SGCD: variants seen among roughly 807,000 people sequenced by gnomAD.
SGCD encodes the protein sarcoglycan delta.
A neutral mutation model predicts 36.6 loss-of-function variants in SGCD; 18 were observed. The ratio of observed to expected loss-of-function variants is 0.49; its 90% CI spans 0.34 to 0.73. The LOEUF is 0.73. Ranked by LOEUF, SGCD falls within the 30% of genes least tolerant of loss-of-function variation. SGCD has a pLI of 0.01. For missense variants in SGCD, 387 were observed against 346.7 expected (o/e 1.12, Z -0.92); for synonymous variants, 133 against 130.6 (o/e 1.02, Z -0.12).
intron 3 of SGCD, among the ~76,000 whole-genome samples, chr5:156,376,921 T>C (rs1770701270): frequency 6.6e-6 from 1 of 152,154 alleles, no homozygotes; most frequent in Admixed American, 6.6e-5. Flanking sequence ...TTCTGGGGTT[T>C]CACTTTGAGT....
At chr5:155,821,426 G>A in the SGCD span, among the ~76,000 whole-genome samples, 2 of 151,976 alleles carry the variant, frequency 1.3e-5, no homozygotes, top group Admixed American at 6.6e-5. Flanking sequence ...CCATTCTCTT[G>A]CCTCAGCCTC....
At chr5:155,736,095 A>C in the SGCD span, among the ~76,000 whole-genome samples, 1 of 152,190 alleles carries the variant, frequency 6.6e-6, no homozygotes, top group East Asian at 1.9e-4. Context: ...CTACATCCTC[A>C]GACACAGAAA....
chr5:156,085,859 T>C (rs940194409), intron 1 of SGCD, among the ~76,000 whole-genome samples: 1 of 152,176 alleles, frequency 6.6e-6, no homozygotes, highest in Non-Finnish European at 1.5e-5. Context: ...GTTGGAAAAT[T>C]CACTCTAAAT....
chr5:156,161,430 G>A (rs141204923), intron 3 of SGCD, among the ~76,000 whole-genome samples: 5 of 151,884 alleles, frequency 3.3e-5, no homozygotes, highest in East Asian at 3.9e-4. Context: ...AGTGCTTACC[G>A]CTTTCCAGTC....
intron 3 of SGCD, among the ~76,000 whole-genome samples, chr5:156,317,465 A>G (rs1306066750): frequency 6.6e-6 from 1 of 152,174 alleles, no homozygotes; most frequent in Non-Finnish European, 1.5e-5. Flanking sequence ...TACAAATCAC[A>G]AACATGATCG....
the SGCD span, among the ~76,000 whole-genome samples, chr5:155,792,049 C>G: frequency 6.6e-6 from 1 of 151,990 alleles, no homozygotes; most frequent in Non-Finnish European, 1.5e-5. Context: ...GATGCTGGTA[C>G]AAAACCAGAT....
chr5:156,370,090 G>T (rs1210591460), intron 3 of SGCD, among the ~76,000 whole-genome samples: 1 of 152,136 alleles, frequency 6.6e-6, no homozygotes, highest in Non-Finnish European at 1.5e-5. Context: ...CTCCATAAAG[G>T]TCAGTTGCTT....
intron 7 of SGCD, among the ~76,000 whole-genome samples, chr5:156,653,703 A>C (rs1238131465): frequency 6.6e-6 from 1 of 151,846 alleles, no homozygotes; most frequent in Non-Finnish European, 1.5e-5. Flanking sequence ...TTGTCATTTC[A>C]TGGTGCCACA....
intron 3 of SGCD, among the ~76,000 whole-genome samples, chr5:156,447,832 C>A (rs1030078358): frequency 6.6e-6 from 1 of 152,136 alleles, no homozygotes; most frequent in African/African-American, 2.4e-5. Flanking sequence ...GCAATCATTA[C>A]CTGTTACTGA....
At chr5:156,036,548 G>GATGAA (rs1389411590) in intron 1 of SGCD, among the ~76,000 whole-genome samples, 4 of 152,158 alleles carry the variant, frequency 2.6e-5, no homozygotes, top group African/African-American at 9.7e-5. Context: ...AGACAACTCA[G>GATGAA]AGACATACGT....
intron 3 of SGCD, among the ~76,000 whole-genome samples, chr5:156,373,886 C>G (rs1418268344): frequency 6.6e-6 from 1 of 152,084 alleles, no homozygotes; most frequent in African/African-American, 2.4e-5. Context: ...GCATGGAGGG[C>G]TTGATATGGA....
At chr5:156,056,665 A>AACAAAAAAAAAC (rs1760073648) in intron 1 of SGCD, among the ~76,000 whole-genome samples, 1 of 142,470 alleles carries the variant, frequency 7.0e-6, no homozygotes. Flanking sequence ...AAAAAAAAAA[A>AACAAAAAAAAAC]CAGTCTCCAA....
At chr5:156,304,444 T>C (rs79790220) in intron 3 of SGCD, among the ~76,000 whole-genome samples, 4 of 152,172 alleles carry the variant, frequency 2.6e-5, no homozygotes, top group Admixed American at 2.0e-4. Flanking sequence ...TTGCCATCCA[T>C]GTAAGATGTG....
At chr5:156,727,257 A>G (rs1185660785) in intron 7 of SGCD, among the ~76,000 whole-genome samples, 4 of 152,202 alleles carry the variant, frequency 2.6e-5, no homozygotes, top group Non-Finnish European at 2.9e-5. Flanking sequence ...TTGCAGAGAA[A>G]GACCAGGTGA....
rs1307539474 is a variant in SGCD, at chr5:156,760,777, A to AG, written c.*1392dup. Reference sequence around the variant, plus strand: ...GGGATTACACCATCTCTGTTCAAAGAGGGGGAAATGTGCCTATGCCTTAAG... The same window carrying AG: ...GGGATTACACCATCTCTGTTCAAAGAGGGGGGAAATGTGCCTATGCCTTAAG... On this transcript the variant is annotated 3_prime_UTR_variant, in exon 9 of 9. Transcript: ENST00000337851. 11 of 152,604 alleles carry AG rather than the reference A, an allele frequency of 7.2e-5. No homozygotes were observed. The highest frequency in any genetic ancestry group is 2.2e-4 in the African/African-American group (9 of 41,428). The allele number at this position is 152,604 out of a possible 1,614,324, so 9.5% of individuals were successfully genotyped here. A position where few individuals can be genotyped will look rare whatever the true frequency, so the allele number is the denominator to read the frequency against.
At chr5:156,233,871 TGAGACCACA>T (rs1765085804) in intron 3 of SGCD, among the ~76,000 whole-genome samples, 1 of 152,128 alleles carries the variant, frequency 6.6e-6, no homozygotes, top group Non-Finnish European at 1.5e-5. Context: ...GGGAACAGAG[TGAGACCACA>T]TCTGTTTTTT....
At chr5:156,577,806 G>T (rs967021602) in intron 4 of SGCD, among the ~76,000 whole-genome samples, 14 of 152,184 alleles carry the variant, frequency 9.2e-5, no homozygotes, top group Non-Finnish European at 2.1e-4. Flanking sequence ...TCAGCTTAAG[G>T]AGATTTTGGG....
the SGCD span, among the ~76,000 whole-genome samples, chr5:155,862,922 A>T: frequency 6.6e-6 from 1 of 152,350 alleles, no homozygotes; most frequent in Middle Eastern, 3.4e-3. Flanking sequence ...TGGAACCCTG[A>T]CAAAGACTGC....
Position 156,360,720 on chromosome 5 carries a change from T to G in SGCD, c.192+16043T>G, listed in dbSNP as rs1340153652. Among the ~76,000 whole-genome samples, 4 of 152,208 alleles carry G rather than the reference T, an allele frequency of 2.6e-5. No individual in the cohort carries two copies. In the East Asian group the frequency reaches 7.8e-4, roughly 30 times the overall value. Reference sequence around the variant, plus strand: ...GACTTTGGAGAAGAGATGGCCAGACTGTGAAAGACACAGCCTGACTTTGGG... The same window carrying G: ...GACTTTGGAGAAGAGATGGCCAGACGGTGAAAGACACAGCCTGACTTTGGG... On this transcript the variant is annotated intron_variant, in intron 3 of 8. Transcript: ENST00000337851.
Sources: gnomAD v4.1 joint callset for allele counts (sites outside exome capture counted in the v4.1 genomes callset) on GRCh38, gnomAD v4.1.1 for gene constraint, MANE v1.5 for transcripts, NCBI Gene and HGNC (gene_info 2026-07-23, HGNC 2026-07-21) for gene names.